AGBL4: variants seen among roughly 807,000 people sequenced by gnomAD.
AGBL4 encodes the protein cytosolic carboxypeptidase 6.
In AGBL4, 58 loss-of-function variants were observed where a neutral mutation model predicts 66.4. That is an observed-to-expected ratio of 0.87 (90% CI 0.71 to 1.09). AGBL4 has a LOEUF of 1.09. Ranked by LOEUF, AGBL4 falls within the 50% of genes least tolerant of loss-of-function variation. The pLI is 0.00. For missense variants in AGBL4, 579 were observed against 631.0 expected (o/e 0.92, Z 0.88); for synonymous variants, 234 against 222.9 (o/e 1.05, Z -0.44).
At position 49,404,748 on chromosome 1, in the gene AGBL4, A is replaced by C. The variant is rs1012460429; in HGVS notation, c.283-158884T>G. Among the ~76,000 whole-genome samples the C allele has an allele frequency of 4.6e-5, 7 of 152,326 alleles. No individual in the cohort carries two copies. In the East Asian group the frequency reaches 1.2e-3, roughly 25 times the overall value. On this transcript the variant is annotated intron_variant, in intron 3 of 13. Coordinates refer to ENST00000371839, the MANE Select transcript of AGBL4 (RefSeq NM_032785.4). The stretch of plus-strand genomic sequence containing the variant: ...AATATGATTTTAATAATTTTTGTCA[A>C]GTTCTAGTAATTTTCTCATAACAAA...
intron 1 of AGBL4, among the ~76,000 whole-genome samples, chr1:50,019,286 T>TCA (rs1354352593): frequency 2.2e-5 from 2 of 92,564 alleles, no homozygotes; most frequent in Admixed American, 1.4e-4. Flanking sequence ...TCTCTCTCTC[T>TCA]CTCTCTCTCT....
At chr1:49,286,008 T>G (rs1175049234) in intron 3 of AGBL4, among the ~76,000 whole-genome samples, 1 of 152,158 alleles carries the variant, frequency 6.6e-6, no homozygotes, top group African/African-American at 2.4e-5. Flanking sequence ...AAAAAGCTTA[T>G]CCACCATGAT....
At chr1:49,963,938 A>C (rs951522208) in intron 1 of AGBL4, among the ~76,000 whole-genome samples, 6 of 152,126 alleles carry the variant, frequency 3.9e-5, no homozygotes, top group African/African-American at 1.4e-4. Context: ...GCTGAGTGTC[A>C]TAAGAAAAAA....
At chr1:49,066,332 T>G (rs1176204135) in intron 4 of AGBL4, among the ~76,000 whole-genome samples, 1 of 152,162 alleles carries the variant, frequency 6.6e-6, no homozygotes, top group Non-Finnish European at 1.5e-5. Context: ...GGTGGGCAGA[T>G]CATGAGGTCA....
intron 5 of AGBL4, among the ~76,000 whole-genome samples, chr1:49,001,871 A>C (rs1449649020): frequency 6.6e-6 from 1 of 152,200 alleles, no homozygotes; most frequent in Non-Finnish European, 1.5e-5. Context: ...AGGATTAGAA[A>C]TTTGGCTTTA....
chr1:48,799,740 C>T (rs1645767631), intron 6 of AGBL4, among the ~76,000 whole-genome samples: 2 of 152,002 alleles, frequency 1.3e-5, no homozygotes, highest in South Asian at 4.1e-4. Flanking sequence ...TTTTTTGTGT[C>T]TATTGAGATG....
At chr1:49,858,071 T>C (rs968648705) in intron 1 of AGBL4, among the ~76,000 whole-genome samples, 1 of 152,016 alleles carries the variant, frequency 6.6e-6, no homozygotes, top group Non-Finnish European at 1.5e-5. Flanking sequence ...TGACCAGATA[T>C]TTCTCAAAAG....
chr1:48,889,919 C>A (rs1369318328), intron 5 of AGBL4, among the ~76,000 whole-genome samples: 1 of 151,852 alleles, frequency 6.6e-6, no homozygotes, highest in Non-Finnish European at 1.5e-5. Context: ...CTTCTGAGAA[C>A]AACATGAGGC....
chr1:49,845,382 C>A (rs575435370), intron 2 of AGBL4: 2 of 1,381,418 alleles, frequency 1.4e-6, no homozygotes, highest in East Asian at 2.3e-5. Context: ...TTAGCCAACA[C>A]AAGTGAACTC....
intron 4 of AGBL4, among the ~76,000 whole-genome samples, chr1:49,057,051 C>G (rs1644320924): frequency 6.6e-6 from 1 of 152,124 alleles, no homozygotes; most frequent in South Asian, 2.1e-4. Flanking sequence ...TCTACTCTGC[C>G]AAGCTTCCTT....
chr1:49,880,075 A>G (rs1349239702), intron 1 of AGBL4, among the ~76,000 whole-genome samples: 1 of 151,802 alleles, frequency 6.6e-6, no homozygotes, highest in South Asian at 2.1e-4. Context: ...AATTTTTTTC[A>G]AAGTCTTCAA....
At chr1:49,364,247 T>C (rs997442680) in intron 3 of AGBL4, among the ~76,000 whole-genome samples, 10 of 152,190 alleles carry the variant, frequency 6.6e-5, no homozygotes, top group African/African-American at 1.2e-4. Context: ...TGCTTGTCCA[T>C]ATAGTGTAGT....
chr1:49,567,435 C>T (rs1644235256), intron 3 of AGBL4, among the ~76,000 whole-genome samples: 1 of 152,116 alleles, frequency 6.6e-6, no homozygotes, highest in South Asian at 2.1e-4. Context: ...ATTCGGCCAT[C>T]TTGGCTCCAC....
chr1:49,971,907 G>GTTGTTTTTTTGTTTTTTTTTTTT (rs1553155278), intron 1 of AGBL4, among the ~76,000 whole-genome samples: 1 of 23,428 alleles, frequency 4.3e-5, no homozygotes, highest in African/African-American at 1.3e-4. Context: ...GTTTTTTTGG[G>GTTGTTTTTTTGTTTTTTTTTTTT]TTTTTTTTTT....
Position 48,831,929 on chromosome 1 carries a change from A to G in AGBL4, c.634+35262T>C, listed in dbSNP as rs1172876030. 3.9e-5 allele frequency among the ~76,000 whole-genome samples: 6 copies of G among 152,212 alleles called. No homozygotes were observed. The East Asian group carries it at 1.2e-3, about 29-fold the overall frequency. ...TGGGGACAAGTGGAGGGATGTGAGA[A>G]AGATTCACCTTCATTACAGATCTAC... On this transcript the variant is annotated intron_variant, in intron 6 of 13. Transcript: ENST00000371839.
intron 6 of AGBL4, among the ~76,000 whole-genome samples, chr1:48,821,751 A>T (rs770172582): frequency 2.6e-5 from 4 of 152,194 alleles, no homozygotes; most frequent in African/African-American, 7.2e-5. Context: ...TAAAATTTTT[A>T]AAAATTAGAG....
At chr1:49,388,779 C>T (rs1180421813) in intron 3 of AGBL4, among the ~76,000 whole-genome samples, 2 of 152,016 alleles carry the variant, frequency 1.3e-5, no homozygotes, top group African/African-American at 4.8e-5. Context: ...AATCTGGGTT[C>T]CCTACTAGTG....
At chr1:48,956,717 C>A (rs1337795111) in intron 5 of AGBL4, among the ~76,000 whole-genome samples, 3 of 152,126 alleles carry the variant, frequency 2.0e-5, no homozygotes, top group Admixed American at 1.3e-4. Context: ...GGGCCGCAGC[C>A]ATAGAAAGGA....
intron 3 of AGBL4, among the ~76,000 whole-genome samples, chr1:49,483,118 A>G (rs551111395): frequency 7.6e-4 from 116 of 152,190 alleles, no homozygotes; most frequent in African/African-American, 2.6e-3. Flanking sequence ...AGAGTTCCGT[A>G]GATATCTGAT....
Sources: gnomAD v4.1 joint callset for allele counts (sites outside exome capture counted in the v4.1 genomes callset) on GRCh38, gnomAD v4.1.1 for gene constraint, MANE v1.5 for transcripts, NCBI Gene and HGNC (gene_info 2026-07-23, HGNC 2026-07-21) for gene names.